ALDH1A2: variants seen among roughly 807,000 people sequenced by gnomAD.
ALDH1A2 encodes aldehyde dehydrogenase 1 family member A2.
Under a neutral mutation model 60.3 loss-of-function variants are expected in ALDH1A2, and 27 were observed. The ratio of observed to expected loss-of-function variants is 0.45; its 90% CI spans 0.33 to 0.62. The LOEUF (loss-of-function observed/expected upper bound fraction) is 0.62. ALDH1A2 is among the 20% of genes least tolerant of loss of function. The probability of loss-of-function intolerance (pLI) is 0.02; values close to 1 mark genes in which losing one functional copy is unlikely to be tolerated. For synonymous variants in ALDH1A2, 289 were observed against 232.4 expected, an observed-to-expected ratio of 1.24 and a Z score of -2.21; for missense variants, 581 against 643.8, an observed-to-expected ratio of 0.90 and a Z score of 1.06.
At chr15:58,047,519 C>T (rs1456418603) in intron 1 of ALDH1A2, among the ~76,000 whole-genome samples, 2 of 151,912 alleles carry the variant, frequency 1.3e-5, no homozygotes, top group Non-Finnish European at 2.9e-5. Flanking sequence ...AAAATGGCAG[C>T]GCTATCATTT....
intron 1 of ALDH1A2, among the ~76,000 whole-genome samples, chr15:58,061,950 G>T (rs1897050052): frequency 6.6e-6 from 1 of 152,098 alleles, no homozygotes; most frequent in Non-Finnish European, 1.5e-5. Context: ...TAATCTCCCA[G>T]AAGGCAGATG....
At chr15:58,010,300 C>T (rs921708963) in intron 4 of ALDH1A2, among the ~76,000 whole-genome samples, 1 of 152,102 alleles carries the variant, frequency 6.6e-6, no homozygotes, top group Non-Finnish European at 1.5e-5. Flanking sequence ...CAAGTCTTAA[C>T]CTCGTTGGAA....
chr15:58,065,448 C>T, intron 1 of ALDH1A2, 86 bp downstream of exon 1: 1 of 1,192,520 alleles, frequency 8.4e-7, no homozygotes, highest in Non-Finnish European at 1.3e-6. Context: ...CCCCGTCCCG[C>T]AGCCCTCACC....
rs534749907 is a variant in ALDH1A2 at position 58,019,707 on chromosome 15, A to C, written c.118-5426T>G. ...TGTGAAGGACTAACTGTCCACTGAC[A>C]TATTATAGGTTGTTGTTGGTTTTAA... is the stretch of plus-strand genomic sequence containing the variant. On this transcript the variant is annotated intron_variant, in intron 1 of 12. Transcript: ENST00000249750. 1.1e-4 allele frequency among the ~76,000 whole-genome samples: 17 copies of C among 152,272 alleles called. No individual in the cohort carries two copies. In the South Asian group the frequency reaches 3.5e-3, roughly 32 times the overall value.
chr15:58,055,319 T>C (rs1380568650), intron 1 of ALDH1A2, among the ~76,000 whole-genome samples: 11 of 152,122 alleles, frequency 7.2e-5, no homozygotes, highest in Non-Finnish European at 1.5e-4. Context: ...ACTCTGAATA[T>C]TGTAGTATTA....
At position 58,065,656 on chromosome 15, in the gene ALDH1A2, CGGG is replaced by C. The variant is rs1566966303; in HGVS notation, c.-9_-7del. The C allele has an allele frequency of 1.9e-6, 3 of 1,580,006 alleles. No individual in the cohort carries two copies. Among genetic ancestry groups the C allele is most frequent in the African/African-American group, 1.3e-5 (1 of 74,092 alleles). On this transcript the variant is annotated 5_prime_UTR_variant, in exon 1 of 13. Coordinates refer to ENST00000249750, the MANE Select transcript of ALDH1A2 (RefSeq NM_003888.4). ...TCTATCTTGCTGGAAGTCATGGTGG[CGGG>C]CCGGGTGTCCCTAGCCCGCGGCGTG...
chr15:58,026,248 T>C (rs183796505), intron 1 of ALDH1A2, among the ~76,000 whole-genome samples: 4 of 152,292 alleles, frequency 2.6e-5, no homozygotes, highest in East Asian at 1.9e-4. Context: ...GTAGGATTTT[T>C]ACCAGGAATG....
intron 12 of ALDH1A2, among the ~76,000 whole-genome samples, chr15:57,956,335 AAC>A (rs1459547841): frequency 6.6e-6 from 1 of 152,262 alleles, no homozygotes; most frequent in Admixed American, 6.5e-5. Flanking sequence ...TTGAATATGA[AAC>A]AATTAAATGA....
intron 1 of ALDH1A2, among the ~76,000 whole-genome samples, chr15:58,060,104 G>C (rs747058729): frequency 6.6e-6 from 1 of 152,070 alleles, no homozygotes; most frequent in African/African-American, 2.4e-5. Flanking sequence ...ATTTTTAGTA[G>C]AGATGGGGTT....
At chr15:58,037,728 A>T (rs1896412626) in intron 1 of ALDH1A2, among the ~76,000 whole-genome samples, 1 of 151,696 alleles carries the variant, frequency 6.6e-6, no homozygotes, top group Non-Finnish European at 1.5e-5. Context: ...GGAAGTGTGC[A>T]ATTCCTTGGG....
At chr15:58,011,743 TATC>T (rs573576309) in intron 3 of ALDH1A2, among the ~76,000 whole-genome samples, 214 of 152,334 alleles carry the variant, frequency 1.4e-3, no homozygotes, top group African/African-American at 4.9e-3. Context: ...TATTTAAAAA[TATC>T]ATGTTACTTA....
chr15:58,048,950 T>C (rs1595690100), intron 1 of ALDH1A2, among the ~76,000 whole-genome samples: 2 of 152,036 alleles, frequency 1.3e-5, no homozygotes, highest in East Asian at 1.9e-4. Context: ...AATTTCCTTG[T>C]TTCCCTTTGT....
intron 1 of ALDH1A2, among the ~76,000 whole-genome samples, chr15:58,041,923 A>G (rs1170449097): frequency 6.6e-6 from 1 of 151,932 alleles, no homozygotes; most frequent in Non-Finnish European, 1.5e-5. Flanking sequence ...CTCCAACACC[A>G]TATCGTAGTA....
At chr15:58,016,332 C>T (rs1319444036) in intron 1 of ALDH1A2, among the ~76,000 whole-genome samples, 5 of 151,730 alleles carry the variant, frequency 3.3e-5, no homozygotes, top group African/African-American at 4.8e-5. Context: ...TTAGTAGAGA[C>T]GGGGTTTCAC....
chr15:58,042,062 CACAA>C (rs1475079206), intron 1 of ALDH1A2, among the ~76,000 whole-genome samples: 2 of 151,878 alleles, frequency 1.3e-5, no homozygotes, highest in Non-Finnish European at 2.9e-5. Context: ...TTTGGCGAGA[CACAA>C]ACATTCAGAC....
Position 58,007,488 on chromosome 15 carries a change from C to T in ALDH1A2, c.493+3161G>A, listed in dbSNP as rs539867134. 5.9e-4 allele frequency among the ~76,000 whole-genome samples: 90 copies of T among 152,104 alleles called. 1 individual carries two copies. The highest frequency in any genetic ancestry group is 2.0e-3 in the African/African-American group (83 of 41,520). On this transcript the variant is annotated intron_variant, in intron 4 of 12. Coordinates refer to ENST00000249750, the MANE Select transcript of ALDH1A2 (RefSeq NM_003888.4). ...GAACAACACTTAAGTTTGAATCTCACGTCTCCCACTTACTAGCCATGTGAC... is the reference window on the plus strand; with the variant it reads ...GAACAACACTTAAGTTTGAATCTCATGTCTCCCACTTACTAGCCATGTGAC...
intron 1 of ALDH1A2, chr15:58,058,156 T>A: frequency 7.9e-7 from 1 of 1,271,038 alleles, no homozygotes; most frequent in South Asian, 1.3e-5. Flanking sequence ...CATACAGGCA[T>A]TTCATAATTT....
chr15:58,040,962 G>C (rs1362990502), intron 1 of ALDH1A2, among the ~76,000 whole-genome samples: 1 of 151,818 alleles, frequency 6.6e-6, no homozygotes. Flanking sequence ...GTAGAGGAGG[G>C]TTCAAAATCT....
At position 57,971,591 on chromosome 15, in the gene ALDH1A2, TA is replaced by T. The variant is rs113709348; in HGVS notation, c.799-5765del. On this transcript the variant is annotated intron_variant, in intron 7 of 12. Transcript: ENST00000249750. ...GCACTTGCCATCATGCCTGGCTAAT[TA>T]AAAAAAAAAATTGGTACAGACAGGG... Among the ~76,000 whole-genome samples, 83 of 147,570 alleles carry T rather than the reference TA, an allele frequency of 5.6e-4. No homozygotes were observed. In the South Asian group the frequency reaches 0.012, roughly 21 times the overall value.
Sources: allele counts gnomAD v4.1 joint callset (sites outside exome capture counted in the v4.1 genomes callset), GRCh38; gene constraint gnomAD v4.1.1; transcripts MANE v1.5; gene names NCBI Gene and HGNC (gene_info 2026-07-23, HGNC 2026-07-21).